The following PSPC1 variants were observed in gnomAD, a reference collection of about 807,000 sequenced individuals.
PSPC1 encodes the protein paraspeckle protein 1.
PSPC1 carries 14 observed loss-of-function variants against 51.6 expected under a neutral mutation model. That is an observed-to-expected ratio of 0.27 (90% CI 0.18 to 0.42). The LOEUF (loss-of-function observed/expected upper bound fraction) is 0.42. Among genes scored for constraint, PSPC1 ranks in the 10% least tolerant of loss-of-function variants. PSPC1 has a pLI of 1.00. For synonymous variants in PSPC1, 193 were observed against 231.9 expected (o/e 0.83, Z 1.53); for missense variants, 406 against 701.1 (o/e 0.58, Z 4.75).
At chr13:19,689,471 ATAC>A (rs1450515174) in intron 6 of PSPC1, among the ~76,000 whole-genome samples, 7 of 152,230 alleles carry the variant, frequency 4.6e-5, no homozygotes, top group African/African-American at 1.4e-4. Context: ...AAGACTATAT[ATAC>A]TACTATAATG....
intron 2 of PSPC1, among the ~76,000 whole-genome samples, chr13:19,770,649 A>G (rs1171076351): frequency 6.6e-6 from 1 of 152,154 alleles, no homozygotes; most frequent in African/African-American, 2.4e-5. Context: ...TTAGCCGGAC[A>G]CAGTGGTTCA....
chr13:19,776,708 T>C (rs560181994), intron 1 of PSPC1, among the ~76,000 whole-genome samples: 1 of 151,896 alleles, frequency 6.6e-6, no homozygotes, highest in African/African-American at 2.4e-5. Flanking sequence ...GAGGTTTCAC[T>C]GTGTTAGCCA....
chr13:19,732,143 A>G (rs1475887810), intron 5 of PSPC1, among the ~76,000 whole-genome samples: 1 of 152,214 alleles, frequency 6.6e-6, no homozygotes, highest in African/African-American at 2.4e-5. Context: ...GACAACATGA[A>G]CAAAAATGTT....
chr13:19,715,374 T>C (rs138489902), intron 6 of PSPC1, among the ~76,000 whole-genome samples: 97 of 152,346 alleles, frequency 6.4e-4, no homozygotes, highest in Non-Finnish European at 1.3e-3. Flanking sequence ...ATGCCACTAC[T>C]GGCACATGGC....
chr13:19,716,917 C>T lies in PSPC1; in HGVS notation c.1159-7318G>A, dbSNP rs1002015197. On this transcript the variant is annotated intron_variant, in intron 6 of 8. Coordinates refer to ENST00000338910, the MANE Select transcript of PSPC1 (RefSeq NM_001354909.2). ...TTAAATAAGAACTGTTGGCCAGGCG[C>T]GGTGGCTCACTCCTGTAACCTCAGC... is the stretch of plus-strand genomic sequence containing the variant. 3.3e-5 allele frequency among the ~76,000 whole-genome samples: 5 copies of T among 152,138 alleles called. No homozygotes were observed. The South Asian group carries it at 6.2e-4, about 19-fold the overall frequency.
intron 6 of PSPC1, among the ~76,000 whole-genome samples, chr13:19,721,199 C>A (rs1882728144): frequency 6.6e-6 from 1 of 152,122 alleles, no homozygotes; most frequent in Non-Finnish European, 1.5e-5. Context: ...GCTCCAAATA[C>A]ATTAAACAAG....
At chr13:19,702,275 T>C (rs1880006965), downstream of PSPC1, among the ~76,000 whole-genome samples, 1 of 152,228 alleles carries the variant, frequency 6.6e-6, no homozygotes, top group Non-Finnish European at 1.5e-5. Context: ...TTAATACTTC[T>C]AGAAACCTAC....
intron 1 of PSPC1, among the ~76,000 whole-genome samples, chr13:19,778,588 G>A (rs1247845435): frequency 8.0e-6 from 1 of 125,582 alleles, no homozygotes; most frequent in Non-Finnish European, 1.7e-5. Flanking sequence ...GGCCGGGCCG[G>A]TCTCCAGCCC....
At chr13:19,702,117 T>C (rs1228689400), downstream of PSPC1, among the ~76,000 whole-genome samples, 1 of 152,016 alleles carries the variant, frequency 6.6e-6, no homozygotes, top group Non-Finnish European at 1.5e-5. Context: ...TCTCTCAGCA[T>C]TATCTTGAAA....
At position 19,751,243 on chromosome 13, in the gene PSPC1, C is replaced by A. The variant is rs755740655; in HGVS notation, c.967+28G>T. On this transcript the variant is annotated intron_variant, in intron 4 of 8. Coordinates refer to ENST00000338910, the MANE Select transcript of PSPC1 (RefSeq NM_001354909.2). The stretch of plus-strand genomic sequence containing the variant: ...CACTTAAGGGAAAAAAAAAATCATA[C>A]CACATGTACATGAAAATCCATATTT... The A allele has an allele frequency of 7.4e-6, 11 of 1,488,930 alleles. No homozygotes were observed. In the East Asian group the frequency reaches 2.6e-4, roughly 35 times the overall value. 92.2% of individuals were successfully genotyped at this position (1,488,930 alleles called of 1,614,324 possible).
At chr13:19,718,938 T>C (rs1485943559) in intron 6 of PSPC1, among the ~76,000 whole-genome samples, 1 of 152,194 alleles carries the variant, frequency 6.6e-6, no homozygotes, top group African/African-American at 2.4e-5. Flanking sequence ...ATGGAGACGA[T>C]AGAAGGATCA....
At chr13:19,776,036 G>A (rs1407374511) in intron 1 of PSPC1, among the ~76,000 whole-genome samples, 1 of 151,686 alleles carries the variant, frequency 6.6e-6, no homozygotes, top group Non-Finnish European at 1.5e-5. Context: ...GGGTGACAGA[G>A]CAAGACTCCA....
chr13:19,730,226 G>A lies in PSPC1; in HGVS notation c.1158+13C>T. 2 of 1,586,018 alleles carry A rather than the reference G, an allele frequency of 1.3e-6. No homozygotes were observed. Among genetic ancestry groups the A allele is most frequent in the Non-Finnish European group, 8.7e-7 (1 of 1,155,014 alleles). ...AATATAAAATCATTTTAGTTAACTA[G>A]TAGTTTACTTACATTTTCCATGTAG... is the stretch of plus-strand genomic sequence containing the variant. On this transcript the variant is annotated intron_variant, in intron 6 of 8. Coordinates refer to ENST00000338910, the MANE Select transcript of PSPC1 (RefSeq NM_001354909.2).
At chr13:19,730,114 TC>T (rs1883860181) in intron 6 of PSPC1, 124 bp downstream of exon 6, 7 of 711,390 alleles carry the variant, frequency 9.8e-6, no homozygotes, top group Non-Finnish European at 1.6e-5. Context: ...CACTAATTTA[TC>T]AAACATGATG....
At chr13:19,747,185 AAAAC>A (rs1886084047) in intron 4 of PSPC1, among the ~76,000 whole-genome samples, 1 of 152,246 alleles carries the variant, frequency 6.6e-6, no homozygotes, top group South Asian at 2.1e-4. Flanking sequence ...ACTGCTTTTA[AAAAC>A]AAACTGAAAA....
chr13:19,782,777 A>T lies in PSPC1; in HGVS notation c.-20T>A. ...CATCATCTTACTGAGTTCGCCTCGG[A>T]CACCGGATACAGGCCTAGATTTATA... On this transcript the variant is annotated 5_prime_UTR_variant, in exon 1 of 9. Transcript: ENST00000338910. This position sits in a 1 kb window ranked among gnomAD's most constrained non-coding sequence, Gnocchi z 4.5. 1 of 1,521,906 alleles carries T rather than the reference A, an allele frequency of 6.6e-7. No individual in the cohort carries two copies. The highest frequency in any genetic ancestry group is 1.3e-5 in the South Asian group (1 of 79,146). The allele number at this position is 1,521,906 out of a possible 1,614,324, so 94.3% of individuals were successfully genotyped here. A position where few individuals can be genotyped will look rare whatever the true frequency, so the allele number is the denominator to read the frequency against.
intron 6 of PSPC1, among the ~76,000 whole-genome samples, chr13:19,727,153 G>A (rs907454582): frequency 6.6e-6 from 1 of 152,172 alleles, no homozygotes; most frequent in Non-Finnish European, 1.5e-5. Flanking sequence ...CAGCATTTTG[G>A]GAAGCCAAGG....
At chr13:19,732,753 C>T (rs536602820) in intron 5 of PSPC1, among the ~76,000 whole-genome samples, 8 of 151,912 alleles carry the variant, frequency 5.3e-5, no homozygotes, top group African/African-American at 1.9e-4. Flanking sequence ...ATGGTAAAAC[C>T]CTGTCTCTAC....
chr13:19,696,239 T>A (rs972748314), intron 6 of PSPC1, among the ~76,000 whole-genome samples: 2 of 152,142 alleles, frequency 1.3e-5, no homozygotes, highest in Admixed American at 1.3e-4. Context: ...GATATCCGGA[T>A]TACAATTAAG....
Sources: gnomAD v4.1 joint callset for allele counts (sites outside exome capture counted in the v4.1 genomes callset) on GRCh38, gnomAD v4.1.1 for gene constraint, Gnocchi (gnomAD v3.1) non-coding constraint, MANE v1.5 for transcripts, NCBI Gene and HGNC (gene_info 2026-07-23, HGNC 2026-07-21) for gene names.